The following LRFN5 variants were observed in gnomAD, a reference collection of about 807,000 sequenced individuals.
LRFN5 encodes the protein leucine rich repeat and fibronectin type III domain containing 5.
In LRFN5, 24 loss-of-function variants were observed where a neutral mutation model predicts 45.6. The ratio of observed to expected loss-of-function variants is 0.53; its 90% CI spans 0.38 to 0.74. The LOEUF (loss-of-function observed/expected upper bound fraction) is 0.74. Among genes scored for constraint, LRFN5 ranks in the 30% least tolerant of loss-of-function variants. The pLI, the probability that LRFN5 is intolerant of heterozygous loss-of-function variation, is 0.00. For synonymous variants in LRFN5, 340 were observed against 313.8 expected (o/e 1.08, Z -0.88); for missense variants, 776 against 861.5 (o/e 0.90, Z 1.24).
In LRFN5 at chr14:41,892,301, A is replaced by G. The variant is rs898552021; in HGVS notation, c.2098+339A>G. On this transcript the variant is annotated intron_variant, in intron 4 of 5. Coordinates refer to ENST00000298119, the MANE Select transcript of LRFN5 (RefSeq NM_152447.5). ...ACCTTCTCAGGTACAGTATATATAT[A>G]TACACATATATAACTATATATATGT... 5.2e-5 allele frequency: 50 copies of G among 959,144 alleles called. No homozygotes were observed. The African/African-American group carries it at 7.2e-4, about 14-fold the overall frequency. The allele number at this position is 959,144 out of a possible 1,614,324, so 59.4% of individuals were successfully genotyped here. A position where few individuals can be genotyped will look rare whatever the true frequency, so the allele number is the denominator to read the frequency against.
chr14:41,646,017 T>C (rs1286109964), intron 1 of LRFN5, among the ~76,000 whole-genome samples: 1 of 152,140 alleles, frequency 6.6e-6, no homozygotes, highest in Non-Finnish European at 1.5e-5. Context: ...ATTGTACATA[T>C]TTGGGGAGTA....
At chr14:41,893,199 AT>A in intron 4 of LRFN5, 2 of 978,824 alleles carry the variant, frequency 2.0e-6, no homozygotes, top group South Asian at 4.7e-5. Context: ...AGAATACATA[AT>A]TTTTTAAAAC....
At chr14:41,840,107 A>C (rs1359949978) in intron 2 of LRFN5, among the ~76,000 whole-genome samples, 3 of 152,134 alleles carry the variant, frequency 2.0e-5, no homozygotes, top group Admixed American at 6.6e-5. Flanking sequence ...TAATTAAAGA[A>C]GATCATTCTT....
At chr14:41,766,467 A>G (rs745618684) in intron 1 of LRFN5, among the ~76,000 whole-genome samples, 6 of 152,212 alleles carry the variant, frequency 3.9e-5, no homozygotes, top group Non-Finnish European at 7.3e-5. Context: ...TCACTGCCAT[A>G]TGCTAACTGT....
rs533970455 is a variant in LRFN5, at chr14:41,624,073, A to G, written c.-197+15511A>G. Among the ~76,000 whole-genome samples the G allele has an allele frequency of 3.9e-5, 6 of 152,252 alleles. No homozygotes were observed. In the East Asian group the frequency reaches 5.8e-4, roughly 15 times the overall value. On this transcript the variant is annotated intron_variant, in intron 1 of 5. Coordinates refer to ENST00000298119, the MANE Select transcript of LRFN5 (RefSeq NM_152447.5). ...AGAAGGAAACAGTTCCTACGCCTCT[A>G]CAACTAAGATGTTTCAGAGTCAAAT...
At chr14:41,673,912 C>T (rs1186474845) in intron 1 of LRFN5, among the ~76,000 whole-genome samples, 4 of 147,912 alleles carry the variant, frequency 2.7e-5, no homozygotes, top group Admixed American at 1.3e-4. Context: ...CCCCCCACCT[C>T]CCTCCCGGAT....
At chr14:41,663,560 A>G (rs963924021) in intron 1 of LRFN5, among the ~76,000 whole-genome samples, 3 of 151,888 alleles carry the variant, frequency 2.0e-5, no homozygotes, top group African/African-American at 7.3e-5. Flanking sequence ...AAATAAGAAT[A>G]AGGGAGGATT....
At chr14:41,720,754 G>A (rs1883681634) in intron 1 of LRFN5, among the ~76,000 whole-genome samples, 1 of 151,960 alleles carries the variant, frequency 6.6e-6, no homozygotes, top group African/African-American at 2.4e-5. Flanking sequence ...TGTGGTTGGT[G>A]TCATTTTGAT....
intron 1 of LRFN5, among the ~76,000 whole-genome samples, chr14:41,670,072 C>A (rs1208261211): frequency 6.8e-6 from 1 of 147,596 alleles, no homozygotes. Context: ...ACTATATGCA[C>A]CTATATATAC....
Position 41,869,761 on chromosome 14 carries a change from T to A in LRFN5, c.-20-16845T>A, listed in dbSNP as rs1889956912. ...AACTCCCCCTTATAAAACCATCAGA[T>A]CTTGTGAGACGTGTTCACTATCATG... On this transcript the variant is annotated intron_variant, in intron 2 of 5. Transcript: ENST00000298119. Among the ~76,000 whole-genome samples the A allele has an allele frequency of 4.6e-5, 7 of 151,954 alleles. No individual in the cohort carries two copies. The South Asian group carries it at 1.5e-3, about 32-fold the overall frequency.
intron 2 of LRFN5, among the ~76,000 whole-genome samples, chr14:41,793,421 A>G (rs1310610467): frequency 6.6e-6 from 1 of 152,078 alleles, no homozygotes; most frequent in Non-Finnish European, 1.5e-5. Flanking sequence ...TTTCCAGTAA[A>G]ATTTCATAAT....
At chr14:41,674,629 G>A (rs1291907774) in intron 1 of LRFN5, among the ~76,000 whole-genome samples, 1 of 150,206 alleles carries the variant, frequency 6.7e-6, no homozygotes, top group African/African-American at 2.4e-5. Context: ...CCTCCTGGAC[G>A]GGGCGGTTGG....
At chr14:41,843,769 A>C (rs1888951892) in intron 2 of LRFN5, among the ~76,000 whole-genome samples, 1 of 152,220 alleles carries the variant, frequency 6.6e-6, no homozygotes, top group Non-Finnish European at 1.5e-5. Flanking sequence ...GGTCCATGTA[A>C]GTAATCACTT....
intron 2 of LRFN5, among the ~76,000 whole-genome samples, chr14:41,854,368 G>A (rs1009736876): frequency 1.3e-5 from 2 of 151,910 alleles, no homozygotes; most frequent in African/African-American, 2.4e-5. Context: ...CTGTCGTGGG[G>A]TGGGGAGGGG....
chr14:41,898,825 T>G, intron 4 of LRFN5, 92 bp from the exon 5 acceptor site: 2 of 1,136,038 alleles, frequency 1.8e-6, no homozygotes, highest in South Asian at 2.8e-5. Context: ...ATTCTTGATA[T>G]GAAGTATTAC....
In LRFN5 at chr14:41,887,108, C is replaced by T. The variant is rs1426857637; in HGVS notation, c.483C>T (p.Thr161=). 1 of 1,613,956 alleles carries T rather than the reference C, an allele frequency of 6.2e-7. No homozygotes were observed. Among genetic ancestry groups the T allele is most frequent in the Admixed American group, 1.7e-5 (1 of 60,012 alleles). The change falls in exon 3 of 6, where the codon ACC becomes ACT. Residue 161 remains threonine, a synonymous_variant. Coordinates refer to ENST00000298119, the MANE Select transcript of LRFN5 (RefSeq NM_152447.5). The surrounding 1 kb of genome is among the most constrained non-coding windows in gnomAD (Gnocchi z 4.8). ...ELDLSYNNLE[T]IPWDAVEKMV... is the part of the protein sequence containing the mutation. ...ATCTGTCCTATAATAATCTAGAAACCATTCCTTGGGATGCTGTTGAGAAGA... is the reference window on the plus strand; with the variant it reads ...ATCTGTCCTATAATAATCTAGAAACTATTCCTTGGGATGCTGTTGAGAAGA...
intron 2 of LRFN5, among the ~76,000 whole-genome samples, chr14:41,808,549 T>TGAAGGAAGGAAGGAAG (rs1167821700): frequency 4.8e-4 from 26 of 54,344 alleles, no homozygotes; most frequent in Non-Finnish European, 6.4e-4. Context: ...AAGGGAGGGA[T>TGAAGGAAGGAAGGAAG]GAAGGAAGGA....
At chr14:41,683,723 A>T (rs547819042) in intron 1 of LRFN5, among the ~76,000 whole-genome samples, 226 of 152,302 alleles carry the variant, frequency 1.5e-3, no homozygotes, top group Middle Eastern at 3.4e-3. Flanking sequence ...TAAAATACTT[A>T]GGAGTAAACT....
At chr14:41,670,119 A>G (rs941142723) in intron 1 of LRFN5, among the ~76,000 whole-genome samples, 1 of 128,192 alleles carries the variant, frequency 7.8e-6, no homozygotes. Context: ...ACATTCATAT[A>G]TATACATGTA....
Sources: gnomAD v4.1 joint callset for allele counts (sites outside exome capture counted in the v4.1 genomes callset) on GRCh38, gnomAD v4.1.1 for gene constraint, Gnocchi (gnomAD v3.1) non-coding constraint, MANE v1.5 for transcripts, NCBI Gene and HGNC (gene_info 2026-07-23, HGNC 2026-07-21) for gene names.